Variants in NAV1 observed in about 807,000 individuals in gnomAD.
The protein encoded by NAV1 is pore membrane and/or filament interacting like protein 3.
Under a neutral mutation model 175.2 loss-of-function variants are expected in NAV1, and 18 were observed. The ratio of observed to expected loss-of-function variants is 0.10; its 90% CI spans 0.07 to 0.15. The LOEUF (loss-of-function observed/expected upper bound fraction) is 0.15. Among genes scored for constraint, NAV1 ranks in the 10% least tolerant of loss-of-function variants. The probability of loss-of-function intolerance (pLI) is 1.00; values close to 1 mark genes in which losing one functional copy is unlikely to be tolerated. For synonymous variants in NAV1, 897 were observed against 978.7 expected (o/e 0.92, Z 1.56); for missense variants, 1,731 against 2,436.6 (o/e 0.71, Z 6.10).
rs543004402 is a variant in NAV1 at position 201,580,544 on chromosome 1, G to A, written c.-143-7995G>A. 2.1e-4 allele frequency among the ~76,000 whole-genome samples: 32 copies of A among 152,252 alleles called. 1 individual carries two copies. Among genetic ancestry groups the A allele is most frequent in the Middle Eastern group, 3.4e-3 (1 of 294 alleles). On this transcript the variant is annotated intron_variant, in intron 1 of 33. Coordinates refer to the NAV1 transcript ENST00000685211. ...TCCCACCACTTTGGGAGGCTGAGGC[G>A]GGTGGATCACTTGACGTCAGGAGTT...
intron 1 of NAV1, among the ~76,000 whole-genome samples, chr1:201,550,207 T>A (rs1360716315): frequency 1.3e-5 from 2 of 152,102 alleles, no homozygotes; most frequent in Non-Finnish European, 2.9e-5. Context: ...GGTCTTAACC[T>A]GTTGCCCAGG....
At chr1:201,624,749 A>G (rs548876557) in intron 1 of NAV1, among the ~76,000 whole-genome samples, 10 of 152,296 alleles carry the variant, frequency 6.6e-5, no homozygotes, top group African/African-American at 2.4e-4. Flanking sequence ...GAAATGCCCA[A>G]ATGCAAATTA....
intron 2 of NAV1, among the ~76,000 whole-genome samples, chr1:201,639,093 T>C (rs1668681359): frequency 6.6e-6 from 1 of 152,120 alleles, no homozygotes; most frequent in Non-Finnish European, 1.5e-5. Flanking sequence ...TGGATTTGAA[T>C]TCATATAACA....
At chr1:201,637,646 G>A (rs6691460) in intron 2 of NAV1, among the ~76,000 whole-genome samples, 3,423 of 152,268 alleles carry the variant, frequency 0.022, 135 homozygotes, top group African/African-American at 0.078. Flanking sequence ...TTCATGGACA[G>A]GTCAAATTAA....
At position 201,725,563 on chromosome 1, in the gene NAV1, G is replaced by A. The variant is rs191087854; in HGVS notation, c.1226+6808G>A. ...AGGCTGAGACAAGAGGATCACTTGA[G>A]CCCAGGAGTTGGGGCGGGGGGGCTA... is the stretch of plus-strand genomic sequence containing the variant. On this transcript the variant is annotated intron_variant, in intron 3 of 29. Transcript: ENST00000367296. Among the ~76,000 whole-genome samples, 627 of 152,132 alleles carry A rather than the reference G, an allele frequency of 4.1e-3. 5 individuals carry two copies. The highest frequency in any genetic ancestry group is 0.014 in the African/African-American group (567 of 41,492).
intron 1 of NAV1, among the ~76,000 whole-genome samples, chr1:201,663,195 T>A (rs564864354): frequency 6.6e-6 from 1 of 152,350 alleles, no homozygotes; most frequent in East Asian, 1.9e-4. Context: ...GAAGAAAACA[T>A]TCTCCAGAAG....
At chr1:201,558,314 T>C (rs1233157868) in intron 1 of NAV1, among the ~76,000 whole-genome samples, 3 of 151,986 alleles carry the variant, frequency 2.0e-5, no homozygotes, top group Non-Finnish European at 2.9e-5. Context: ...TTTTGAAGAG[T>C]AGGCAGTGAT....
At chr1:201,628,367 A>G (rs1449924203) in intron 1 of NAV1, among the ~76,000 whole-genome samples, 1 of 152,126 alleles carries the variant, frequency 6.6e-6, no homozygotes, top group Non-Finnish European at 1.5e-5. Flanking sequence ...CTAGACTGTA[A>G]AACAGATCCC....
chr1:201,807,945 T>C lies in NAV1; in HGVS notation c.3649-8T>C. The C allele has an allele frequency of 6.2e-7, 1 of 1,614,086 alleles. No individual in the cohort carries two copies. Among genetic ancestry groups the C allele is most frequent in the East Asian group, 2.2e-5 (1 of 44,874 alleles). On this transcript the variant is annotated splice_region_variant and splice_polypyrimidine_tract_variant and intron_variant, in intron 17 of 29. Transcript: ENST00000367296. This position sits in a 1 kb window ranked among gnomAD's most constrained non-coding sequence, Gnocchi z 5.4. ...AATGTCCCTCTACCTGGATCTGCTT[T>C]TTTCTAGCTTCGAAGTTCCTTCAAC...
At chr1:201,809,520 G>T in exon 22 of NAV1, 1 of 1,613,988 alleles carries the variant, frequency 6.2e-7, no homozygotes, top group Non-Finnish European at 8.5e-7. Flanking sequence ...GGATGAAGCT[G>T]TTTTCCAAGT....
chr1:201,790,090 G>T (rs573778128), intron 11 of NAV1, among the ~76,000 whole-genome samples: 5 of 152,286 alleles, frequency 3.3e-5, no homozygotes, highest in African/African-American at 9.6e-5. Flanking sequence ...TCTGTGCCAT[G>T]GTAGATGGGA....
In NAV1 at chr1:201,782,052, T is replaced by A; in HGVS notation, c.1664-124T>A. The A allele has an allele frequency of 1.2e-6, 1 of 811,956 alleles. No homozygotes were observed. The highest frequency in any genetic ancestry group is 1.9e-6 in the Non-Finnish European group (1 of 529,248). 50.3% of individuals were successfully genotyped at this position (811,956 alleles called of 1,614,324 possible). A position where few individuals can be genotyped will look rare whatever the true frequency, so the allele number is the denominator to read the frequency against. The stretch of plus-strand genomic sequence containing the variant: ...TTATCTTGTACCTGTTTACCCAAAT[T>A]TAGGCCTCTAAAAGTCTACAATACA... On this transcript the variant is annotated intron_variant, in intron 5 of 29. Transcript: ENST00000367296. This position sits in a 1 kb window ranked among gnomAD's most constrained non-coding sequence, Gnocchi z 5.4.
intron 7 of NAV1, among the ~76,000 whole-genome samples, chr1:201,784,566 T>C (rs1676570839): frequency 8.7e-6 from 1 of 115,222 alleles, no homozygotes. Context: ...CATAATACGA[T>C]CTATTTTTTT....
At position 201,817,308 on chromosome 1, in the gene NAV1, T is replaced by C. The variant is rs370727498; in HGVS notation, c.5538+23T>C. The C allele has an allele frequency of 3.7e-6, 6 of 1,608,874 alleles. No individual in the cohort carries two copies. In the African/African-American group the frequency reaches 6.7e-5, roughly 18 times the overall value. On this transcript the variant is annotated intron_variant, in intron 29 of 29. Transcript: ENST00000367296. ...CTGGTGAGTAGAAGCCATTCTAGAGTAAAAATAAGACTATTATAGAACTGA... is the reference window on the plus strand; with the variant it reads ...CTGGTGAGTAGAAGCCATTCTAGAGCAAAAATAAGACTATTATAGAACTGA...
At chr1:201,719,195 T>C (rs1672267613) in intron 3 of NAV1, among the ~76,000 whole-genome samples, 1 of 151,566 alleles carries the variant, frequency 6.6e-6, no homozygotes, top group Non-Finnish European at 1.5e-5. Context: ...TAACATCGTA[T>C]CTGTCTACCT....
At chr1:201,671,482 C>T (rs1670044171) in intron 1 of NAV1, among the ~76,000 whole-genome samples, 3 of 152,222 alleles carry the variant, frequency 2.0e-5, no homozygotes, top group Admixed American at 1.3e-4. Flanking sequence ...AATGTGGACA[C>T]TGAGGCTAAC....
chr1:201,630,975 G>A lies in NAV1; in HGVS notation c.4+1468G>A, dbSNP rs147612560. The stretch of plus-strand genomic sequence containing the variant: ...TCTTTTACTTTTAACGTCTGTTGCA[G>A]ACTAGCATTAGGAATCCCCCAGGCT... On this transcript the variant is annotated intron_variant, in intron 2 of 29. Coordinates refer to the NAV1 transcript ENST00000367302. Among the ~76,000 whole-genome samples, 1,329 of 152,344 alleles carry A rather than the reference G, an allele frequency of 8.7e-3. 9 individuals carry two copies. The highest frequency in any genetic ancestry group is 0.015 in the Non-Finnish European group (1,012 of 68,036).
exon 7 of NAV1, chr1:201,783,528 A>G (rs745458957): frequency 6.2e-7 from 1 of 1,614,168 alleles, no homozygotes; most frequent in South Asian, 1.1e-5. Flanking sequence ...CCAGATCTGC[A>G]TGCTACAAGC....
At chr1:201,568,071 TG>T (rs1251263484) in intron 1 of NAV1, among the ~76,000 whole-genome samples, 2 of 152,166 alleles carry the variant, frequency 1.3e-5, no homozygotes, top group Non-Finnish European at 2.9e-5. Flanking sequence ...ATAGGCTGCC[TG>T]GGCTGTGTAC....
Sources: allele counts gnomAD v4.1 joint callset (sites outside exome capture counted in the v4.1 genomes callset), GRCh38; gene constraint gnomAD v4.1.1; non-coding constraint Gnocchi (gnomAD v3.1); transcripts MANE v1.5; gene names NCBI Gene and HGNC (gene_info 2026-07-23, HGNC 2026-07-21).